Variants in NAV2 observed in about 807,000 individuals in gnomAD.
The protein encoded by NAV2 is neuron navigator 2.
A neutral mutation model predicts 223.2 loss-of-function variants in NAV2; 54 were observed. The observed-to-expected ratio is 0.24, with a 90% CI of 0.19 to 0.30. The LOEUF is 0.30. NAV2 is among the 10% of genes least tolerant of loss of function. The probability of loss-of-function intolerance (pLI) is 1.00; values close to 1 mark genes in which losing one functional copy is unlikely to be tolerated. For missense variants in NAV2, 2,806 were observed against 3,147.5 expected (o/e 0.89, Z 2.60); for synonymous variants, 1,279 against 1,239.3 (o/e 1.03, Z -0.67).
At chr11:20,100,884 A>T in intron 31 of NAV2, 53 bp from the exon 32 acceptor site, 1 of 1,514,032 alleles carries the variant, frequency 6.6e-7, no homozygotes. Context: ...GCAAGCACAG[A>T]GAGCTGCCTT....
intron 1 of NAV2, among the ~76,000 whole-genome samples, chr11:19,544,920 C>T (rs756364084): frequency 1.3e-5 from 2 of 152,188 alleles, no homozygotes; most frequent in Non-Finnish European, 2.9e-5. Context: ...CAAAATGTTG[C>T]TAGGGTGTCT....
chr11:20,107,643 T>G, intron 35 of NAV2, 21 bp from the exon 36 acceptor site: 2 of 1,581,340 alleles, frequency 1.3e-6, no homozygotes, highest in Non-Finnish European at 1.7e-6. Context: ...AGTGCTAATG[T>G]ATTTTCACTG....
intron 1 of NAV2, among the ~76,000 whole-genome samples, chr11:19,811,397 T>C (rs1300529514): frequency 2.6e-5 from 4 of 151,824 alleles, no homozygotes; most frequent in African/African-American, 4.8e-5. Flanking sequence ...GGAAGGGGGG[T>C]GTTTTTTCCT....
At chr11:19,463,518 T>C (rs1052434643) in intron 1 of NAV2, among the ~76,000 whole-genome samples, 1 of 152,186 alleles carries the variant, frequency 6.6e-6, no homozygotes, top group Non-Finnish European at 1.5e-5. Flanking sequence ...ACTCCTAACT[T>C]CTTTGCTTAC....
intron 6 of NAV2, among the ~76,000 whole-genome samples, chr11:19,924,316 A>C (rs573091729): frequency 1.4e-4 from 22 of 152,212 alleles, no homozygotes; most frequent in African/African-American, 3.9e-4. Context: ...AAAAAACAAA[A>C]AAAAACTGGT....
At position 20,036,469 on chromosome 11, in the gene NAV2, G is replaced by C. The variant is rs554674895; in HGVS notation, c.2907+372G>C. Reference sequence around the variant, plus strand: ...CTCTTATTTGCCGCAGCAAGCCACTGCTATCCAGGGGCACGTGTCTAATCC... The same window carrying C: ...CTCTTATTTGCCGCAGCAAGCCACTCCTATCCAGGGGCACGTGTCTAATCC... On this transcript the variant is annotated intron_variant, in intron 12 of 37. Coordinates refer to ENST00000349880, the MANE Select transcript of NAV2 (RefSeq NM_145117.5). Among the ~76,000 whole-genome samples the C allele has an allele frequency of 6.6e-5, 10 of 152,318 alleles. No homozygotes were observed. The East Asian group carries it at 1.9e-3, about 29-fold the overall frequency.
chr11:19,432,566 G>T (rs1851073917), intron 1 of NAV2, among the ~76,000 whole-genome samples: 1 of 152,226 alleles, frequency 6.6e-6, no homozygotes, highest in African/African-American at 2.4e-5. Flanking sequence ...ACAGTGAGGA[G>T]GTGAAAGCCA....
intron 1 of NAV2, among the ~76,000 whole-genome samples, chr11:19,701,775 T>C (rs1050329045): frequency 6.6e-6 from 1 of 152,236 alleles, no homozygotes; most frequent in African/African-American, 2.4e-5. Flanking sequence ...AGACAATTCC[T>C]GTGTATTTTG....
chr11:20,084,237 A>G (rs965392588), intron 26 of NAV2, among the ~76,000 whole-genome samples: 15 of 152,224 alleles, frequency 9.9e-5, no homozygotes, highest in African/African-American at 3.6e-4. Flanking sequence ...AGCTGGGACT[A>G]CAGGCGCATG....
chr11:19,360,830 T>C (rs1853894081), intron 1 of NAV2, among the ~76,000 whole-genome samples: 1 of 152,190 alleles, frequency 6.6e-6, no homozygotes, highest in Admixed American at 6.5e-5. Context: ...CCCACTGAAC[T>C]GCCCCTGTCC....
intron 1 of NAV2, among the ~76,000 whole-genome samples, chr11:19,769,891 C>T (rs908005354): frequency 2.0e-5 from 3 of 152,002 alleles, no homozygotes; most frequent in Non-Finnish European, 4.4e-5. Flanking sequence ...AAACATAGAC[C>T]ACAGCCCTTT....
At chr11:19,435,157 T>C (rs1323736965) in intron 1 of NAV2, among the ~76,000 whole-genome samples, 1 of 152,194 alleles carries the variant, frequency 6.6e-6, no homozygotes, top group Non-Finnish European at 1.5e-5. Context: ...TTATTAATTA[T>C]AGTCACCATG....
chr11:19,700,415 C>A (rs1164188796), intron 1 of NAV2, among the ~76,000 whole-genome samples: 1 of 152,184 alleles, frequency 6.6e-6, no homozygotes, highest in African/African-American at 2.4e-5. Flanking sequence ...CCCCCTAAAT[C>A]CAGGAGGTGG....
intron 1 of NAV2, among the ~76,000 whole-genome samples, chr11:19,394,688 A>G (rs1054042008): frequency 2.6e-5 from 4 of 152,244 alleles, no homozygotes; most frequent in African/African-American, 9.6e-5. Context: ...TGAAATCTGC[A>G]GGCAGAGTGA....
intron 1 of NAV2, among the ~76,000 whole-genome samples, chr11:19,644,145 C>T (rs1363705758): frequency 6.6e-6 from 1 of 152,142 alleles, no homozygotes. Flanking sequence ...GGGGTATGTA[C>T]ACAGCAGAAG....
At chr11:19,937,214 ACTTTAT>A (rs1451700632) in intron 7 of NAV2, among the ~76,000 whole-genome samples, 1 of 152,094 alleles carries the variant, frequency 6.6e-6, no homozygotes, top group African/African-American at 2.4e-5. Flanking sequence ...ACTCTAAATC[ACTTTAT>A]CTTTATTGTC....
chr11:19,696,707 A>T (rs2049352277), intron 1 of NAV2, among the ~76,000 whole-genome samples: 1 of 152,214 alleles, frequency 6.6e-6, no homozygotes, highest in Non-Finnish European at 1.5e-5. Context: ...TTATTCATCC[A>T]CTCAAAAACT....
At chr11:19,685,756 T>A (rs771040737) in intron 1 of NAV2, among the ~76,000 whole-genome samples, 5 of 152,118 alleles carry the variant, frequency 3.3e-5, no homozygotes, top group Non-Finnish European at 7.4e-5. Flanking sequence ...CCCTCTCTAA[T>A]CTTCCATTTA....
intron 1 of NAV2, among the ~76,000 whole-genome samples, chr11:19,766,781 C>A (rs2055264866): frequency 6.6e-6 from 1 of 152,196 alleles, no homozygotes; most frequent in South Asian, 2.1e-4. Context: ...GCCAGCTATA[C>A]CCTCCTTCCA....
Sources: allele counts gnomAD v4.1 joint callset (sites outside exome capture counted in the v4.1 genomes callset), GRCh38; gene constraint gnomAD v4.1.1; transcripts MANE v1.5; gene names NCBI Gene and HGNC (gene_info 2026-07-23, HGNC 2026-07-21).